PDE1A: variants seen among roughly 807,000 people sequenced by gnomAD.
The protein encoded by PDE1A is dual specificity calcium/calmodulin-dependent 3',5'-cyclic nucleotide phosphodiesterase 1A.
In PDE1A, 35 loss-of-function variants were observed where a neutral mutation model predicts 61.7. The observed-to-expected ratio is 0.57, with a 90% CI of 0.43 to 0.75. The LOEUF is 0.75. Ranked by LOEUF, PDE1A falls within the 30% of genes least tolerant of loss-of-function variation. The probability of loss-of-function intolerance (pLI) is 0.00; values close to 1 mark genes in which losing one functional copy is unlikely to be tolerated. For missense variants in PDE1A, 597 were observed against 630.6 expected (o/e 0.95, Z 0.57); for synonymous variants, 232 against 213.2 (o/e 1.09, Z -0.77).
the PDE1A span, among the ~76,000 whole-genome samples, chr2:182,654,639 A>G: frequency 6.6e-6 from 1 of 152,134 alleles, no homozygotes; most frequent in Non-Finnish European, 1.5e-5. Flanking sequence ...CTTTTGGGGC[A>G]GGAATGGAGA....
the PDE1A span, among the ~76,000 whole-genome samples, chr2:182,598,862 T>C: frequency 6.6e-6 from 1 of 152,236 alleles, no homozygotes; most frequent in Admixed American, 6.5e-5. Flanking sequence ...ACTATGCTCC[T>C]GGATTCTGTA....
At chr2:182,147,023 A>G, downstream of PDE1A, 1 of 1,143,018 alleles carries the variant, frequency 8.7e-7, no homozygotes, top group Non-Finnish European at 1.3e-6. Context: ...TCTGGTCTAT[A>G]AAATAAAATT....
chr2:182,390,969 C>T (rs1050302741), intron 1 of PDE1A, among the ~76,000 whole-genome samples: 1 of 152,176 alleles, frequency 6.6e-6, no homozygotes, highest in Non-Finnish European at 1.5e-5. Flanking sequence ...CCACAACAGC[C>T]CTGTTTGCTT....
At chr2:182,174,587 CT>C (rs1692553799) in intron 13 of PDE1A, among the ~76,000 whole-genome samples, 1 of 152,064 alleles carries the variant, frequency 6.6e-6, no homozygotes, top group Non-Finnish European at 1.5e-5. Context: ...ACTATTCATA[CT>C]CTGTTACAGT....
chr2:182,271,713 T>C (rs968444352), intron 1 of PDE1A, among the ~76,000 whole-genome samples: 1 of 152,144 alleles, frequency 6.6e-6, no homozygotes, highest in Non-Finnish European at 1.5e-5. Context: ...TGAGTCATAT[T>C]ACATCATTTA....
chr2:182,623,910 G>A, the PDE1A span, among the ~76,000 whole-genome samples: 2 of 152,052 alleles, frequency 1.3e-5, no homozygotes, highest in African/African-American at 4.8e-5. Flanking sequence ...CGGATCACGA[G>A]GTCAGGAGAC....
chr2:182,527,501 T>C (rs1353051808), upstream of PDE1A, among the ~76,000 whole-genome samples: 1 of 149,670 alleles, frequency 6.7e-6, no homozygotes, highest in African/African-American at 2.5e-5. Flanking sequence ...GAGGCTGCAG[T>C]GAGCCTTGTT....
intron 1 of PDE1A, 46 bp downstream of exon 1, chr2:182,426,532 T>C: frequency 7.8e-7 from 1 of 1,280,336 alleles, no homozygotes; most frequent in South Asian, 1.2e-5. Flanking sequence ...GGAGAAACTA[T>C]TGTTCCTGAC....
intron 1 of PDE1A, among the ~76,000 whole-genome samples, chr2:182,290,801 A>T (rs1379705022): frequency 2.6e-5 from 4 of 151,964 alleles, no homozygotes; most frequent in Non-Finnish European, 5.9e-5. Context: ...GCCACCTATC[A>T]GCACCTCCTA....
intron 8 of PDE1A, among the ~76,000 whole-genome samples, 156 bp downstream of exon 8, chr2:182,205,784 C>G (rs891637649): frequency 1.3e-5 from 2 of 152,022 alleles, no homozygotes; most frequent in African/African-American, 4.8e-5. Flanking sequence ...GAACAAAGTC[C>G]CTAAGTACTA....
intron 7 of PDE1A, among the ~76,000 whole-genome samples, chr2:182,209,068 G>A (rs992162606): frequency 4.6e-5 from 7 of 152,116 alleles, no homozygotes; most frequent in South Asian, 2.1e-4. Flanking sequence ...TGATTCAGGA[G>A]GGGCCAGAAG....
chr2:182,325,841 C>A (rs1193345170), intron 1 of PDE1A, among the ~76,000 whole-genome samples: 1 of 152,148 alleles, frequency 6.6e-6, no homozygotes, highest in Non-Finnish European at 1.5e-5. Context: ...ATTGCTTGAA[C>A]CCAGGAGGCA....
intron 1 of PDE1A, among the ~76,000 whole-genome samples, chr2:182,385,765 C>CCCG (rs1435209954): frequency 1.5e-5 from 1 of 64,670 alleles, no homozygotes; most frequent in Non-Finnish European, 3.3e-5. Context: ...CCTCTCCCTC[C>CCCG]TCTCCCTCTC....
the PDE1A span, among the ~76,000 whole-genome samples, chr2:182,679,185 A>ATT: frequency 4.3e-5 from 6 of 140,976 alleles, no homozygotes; most frequent in African/African-American, 1.7e-4. Context: ...TATTATTATT[A>ATT]TTATTATTTT....
intron 6 of PDE1A, among the ~76,000 whole-genome samples, chr2:182,228,392 T>A (rs996562928): frequency 1.9e-4 from 29 of 152,112 alleles, no homozygotes; most frequent in Admixed American, 5.2e-4. Context: ...GAGTGCTTCA[T>A]AAATGTCACA....
intron 1 of PDE1A, among the ~76,000 whole-genome samples, chr2:182,423,680 T>C (rs935859200): frequency 4.6e-5 from 7 of 152,162 alleles, no homozygotes; most frequent in Admixed American, 4.6e-4. Flanking sequence ...ATCACCTCCT[T>C]TATGGCACCC....
chr2:182,329,628 T>A (rs1308019772), intron 1 of PDE1A, among the ~76,000 whole-genome samples: 2 of 152,082 alleles, frequency 1.3e-5, no homozygotes, highest in African/African-American at 4.8e-5. Flanking sequence ...TGACATCAGG[T>A]GATCCACTGG....
At chr2:182,201,624 G>T in intron 9 of PDE1A, 64 bp downstream of exon 9, 1 of 1,377,920 alleles carries the variant, frequency 7.3e-7, no homozygotes. Context: ...CTTTTCTGAG[G>T]CCAAGCCCCT....
chr2:182,516,793 A>G (rs979581104), intron 2 of PDE1A, among the ~76,000 whole-genome samples: 4 of 133,192 alleles, frequency 3.0e-5, no homozygotes, highest in Non-Finnish European at 4.8e-5. Context: ...AAAAGAAAGA[A>G]AGAGAGAAAG....
Sources: allele counts gnomAD v4.1 joint callset (sites outside exome capture counted in the v4.1 genomes callset), GRCh38; gene constraint gnomAD v4.1.1; transcripts MANE v1.5; gene names NCBI Gene and HGNC (gene_info 2026-07-23, HGNC 2026-07-21).